SNX16: variants seen among roughly 807,000 people sequenced by gnomAD.
The protein encoded by SNX16 is sorting nexin-16.
SNX16 carries 35 observed loss-of-function variants against 36.7 expected under a neutral mutation model. The ratio of observed to expected loss-of-function variants is 0.95; its 90% CI spans 0.73 to 1.27. The LOEUF (loss-of-function observed/expected upper bound fraction) is 1.27, where lower values mean the gene tolerates loss of function less well. Among genes scored for constraint, SNX16 ranks in the 50% most tolerant of loss-of-function variants. The pLI, the probability that SNX16 is intolerant of heterozygous loss-of-function variation, is 0.00. For missense variants in SNX16, 367 were observed against 393.6 expected, an observed-to-expected ratio of 0.93 and a Z score of 0.57; for synonymous variants, 134 against 132.0, an observed-to-expected ratio of 1.02 and a Z score of -0.10.
At chr8:81,832,055 T>C (rs1811294736) in intron 2 of SNX16, among the ~76,000 whole-genome samples, 2 of 152,194 alleles carry the variant, frequency 1.3e-5, no homozygotes, top group Admixed American at 1.3e-4. Context: ...AGCAATCCCA[T>C]TCCTGGGTAT....
At chr8:81,824,691 A>G (rs1021329) in intron 3 of SNX16, among the ~76,000 whole-genome samples, 61,306 of 151,998 alleles carry the variant, frequency 0.4, 13,090 homozygotes, top group African/African-American at 0.49. Context: ...CTGTAAACTA[A>G]GTGAAGTCTT....
chr8:81,824,010 T>C (rs894305867), intron 3 of SNX16, 70 bp from the exon 4 acceptor site: 2 of 1,336,854 alleles, frequency 1.5e-6, no homozygotes, highest in Non-Finnish European at 2.1e-6. Flanking sequence ...ATCTATCCTG[T>C]TGACTACATG....
In SNX16 at chr8:81,803,066, G is replaced by A. The variant is rs759198438; in HGVS notation, c.818+26C>T. 14 of 1,581,090 alleles carry A rather than the reference G, an allele frequency of 8.9e-6. No individual in the cohort carries two copies. In the South Asian group the frequency reaches 1.6e-4, roughly 19 times the overall value. ...AGTATTAAGGGTTGAATTAGTCAGA[G>A]TAGAAATGCAAGTATCACAACACAC... On this transcript the variant is annotated intron_variant, in intron 6 of 7. Coordinates refer to ENST00000345957, the MANE Select transcript of SNX16 (RefSeq NM_152836.3).
intron 2 of SNX16, among the ~76,000 whole-genome samples, chr8:81,836,174 C>T (rs1811485468): frequency 6.6e-6 from 1 of 152,186 alleles, no homozygotes; most frequent in Non-Finnish European, 1.5e-5. Context: ...ACTCACTACA[C>T]ATCCTAGTCA....
intron 2 of SNX16, among the ~76,000 whole-genome samples, chr8:81,838,123 AG>A (rs1811572867): frequency 1.3e-5 from 2 of 152,356 alleles, no homozygotes; most frequent in Admixed American, 1.3e-4. Context: ...AAACAAAAAT[AG>A]ATGTCTCTCA....
At chr8:81,812,425 G>C (rs778087681) in intron 5 of SNX16, among the ~76,000 whole-genome samples, 2 of 151,714 alleles carry the variant, frequency 1.3e-5, no homozygotes, top group Non-Finnish European at 2.9e-5. Context: ...AAAGCAGCAA[G>C]GGCAAAATGG....
At chr8:81,816,553 G>C (rs902870851) in intron 4 of SNX16, among the ~76,000 whole-genome samples, 1 of 151,958 alleles carries the variant, frequency 6.6e-6, no homozygotes, top group Non-Finnish European at 1.5e-5. Flanking sequence ...AGGGAATGGG[G>C]CTTTTGGTTT....
At chr8:81,804,999 A>G (rs1167801174) in intron 5 of SNX16, among the ~76,000 whole-genome samples, 2 of 148,246 alleles carry the variant, frequency 1.3e-5, no homozygotes, top group Non-Finnish European at 3.0e-5. Flanking sequence ...GATTAAAAAA[A>G]TTTTAACAAT....
intron 2 of SNX16, among the ~76,000 whole-genome samples, chr8:81,837,396 T>G (rs569133784): frequency 6.6e-6 from 1 of 152,334 alleles, no homozygotes; most frequent in African/African-American, 2.4e-5. Context: ...TTCACACATA[T>G]CATCTGTCTT....
intron 5 of SNX16, among the ~76,000 whole-genome samples, chr8:81,814,425 AG>A (rs1469814890): frequency 1.3e-5 from 2 of 152,086 alleles, no homozygotes; most frequent in Non-Finnish European, 2.9e-5. Flanking sequence ...ATATCCAGAA[AG>A]GGCAAATGTG....
At chr8:81,808,470 G>C in intron 5 of SNX16, 1 of 990,226 alleles carries the variant, frequency 1.0e-6, no homozygotes. Context: ...CAGCTGTGGT[G>C]GTGGGGGATA....
At chr8:81,825,928 A>G (rs998386738) in intron 3 of SNX16, among the ~76,000 whole-genome samples, 3 of 152,160 alleles carry the variant, frequency 2.0e-5, no homozygotes, top group African/African-American at 7.2e-5. Context: ...AAATTAAATA[A>G]CAAAAGACAT....
At chr8:81,826,477 G>A (rs766258585) in intron 3 of SNX16, among the ~76,000 whole-genome samples, 4 of 151,932 alleles carry the variant, frequency 2.6e-5, no homozygotes. Context: ...TAGAAATATT[G>A]AGCTTCAATT....
intron 3 of SNX16, among the ~76,000 whole-genome samples, chr8:81,825,508 A>G (rs1173898683): frequency 6.6e-6 from 1 of 152,168 alleles, no homozygotes; most frequent in East Asian, 1.9e-4. Flanking sequence ...AAAGCTTTCC[A>G]GTGGAATCCA....
Position 81,839,554 on chromosome 8 carries a change from C to A in SNX16, c.375+58G>T, listed in dbSNP as rs1811641324. On this transcript the variant is annotated intron_variant, in intron 2 of 7. Transcript: ENST00000345957. ...TACATTAATTTAACACTGGTTTGAACACAGAGATTAGCCAATCTTTCACTT... is the reference window on the plus strand; with the variant it reads ...TACATTAATTTAACACTGGTTTGAAAACAGAGATTAGCCAATCTTTCACTT... The A allele has an allele frequency of 7.5e-6, 11 of 1,469,466 alleles. No homozygotes were observed. The South Asian group carries it at 1.5e-4, about 20-fold the overall frequency. The allele number at this position is 1,469,466 out of a possible 1,614,324, so 91.0% of individuals were successfully genotyped here.
At position 81,815,387 on chromosome 8, in the gene SNX16, C is replaced by T; in HGVS notation, c.619G>A (p.Val207Met). Residue 207 changes from valine (V) to methionine (M), a missense_variant, in exon 5 of 8, where the codon GTG becomes ATG. Physicochemically the swap from Val to Met is conservative, Grantham distance 21. Coordinates refer to ENST00000345957, the MANE Select transcript of SNX16 (RefSeq NM_152836.3). The stretch of plus-strand genomic sequence containing the variant: ...TCATCCAAACAAAGAAATTCTCTCA[C>T]TGCAAGGCTTTTCAAAGGAAAAAAA... Reference protein sequence around the residue: ...AHKDIANCLAVREFLCLDDPP... With the variant: ...AHKDIANCLAMREFLCLDDPP... 3 of 1,611,224 alleles carry T rather than the reference C, an allele frequency of 1.9e-6. No individual in the cohort carries two copies. Among genetic ancestry groups the T allele is most frequent in the East Asian group, 2.2e-5 (1 of 44,634 alleles).
At chr8:81,805,876 G>C (rs1809914126) in intron 5 of SNX16, among the ~76,000 whole-genome samples, 2 of 152,004 alleles carry the variant, frequency 1.3e-5, no homozygotes, top group African/African-American at 4.8e-5. Flanking sequence ...AGCCGAAATA[G>C]CGCCACTGCA....
chr8:81,838,388 A>C (rs1406077202), intron 2 of SNX16, among the ~76,000 whole-genome samples: 1 of 152,176 alleles, frequency 6.6e-6, no homozygotes. Context: ...ACACTGCTAC[A>C]TATCAAGACC....
intron 5 of SNX16, among the ~76,000 whole-genome samples, chr8:81,812,139 A>G (rs551149493): frequency 6.6e-6 from 1 of 152,202 alleles, no homozygotes; most frequent in East Asian, 1.9e-4. Context: ...GAAAAAAGCA[A>G]TTGAAGAAAA....
Sources: gnomAD v4.1 joint callset for allele counts (sites outside exome capture counted in the v4.1 genomes callset) on GRCh38, gnomAD v4.1.1 for gene constraint, MANE v1.5 for transcripts, NCBI Gene and HGNC (gene_info 2026-07-23, HGNC 2026-07-21) for gene names.